The following NDUFC1 variants were observed in gnomAD, a reference collection of about 807,000 sequenced individuals.
The protein encoded by NDUFC1 is NADH dehydrogenase [ubiquinone] 1 subunit C1, mitochondrial.
In NDUFC1, 11 loss-of-function variants were observed where a neutral mutation model predicts 11.6. The observed-to-expected ratio is 0.95, with a 90% CI of 0.60 to 1.58. The LOEUF is 1.58. NDUFC1 is among the 40% of genes most tolerant of loss of function. The probability of loss-of-function intolerance (pLI) is 0.00; values close to 1 mark genes in which losing one functional copy is unlikely to be tolerated. For missense variants in NDUFC1, 112 were observed against 93.0 expected (o/e 1.20, Z -0.84); for synonymous variants, 52 against 42.2 (o/e 1.23, Z -0.90).
intron 1 of NDUFC1, chr4:139,301,729 T>G (rs1745755687): frequency 1.3e-6 from 2 of 1,534,074 alleles, no homozygotes; most frequent in Admixed American, 4.0e-5. Flanking sequence ...TCGGACAAAC[T>G]GACTGACCGA....
At chr4:139,299,648 G>T (rs1365758389) in intron 1 of NDUFC1, among the ~76,000 whole-genome samples, 2 of 152,178 alleles carry the variant, frequency 1.3e-5, no homozygotes, top group East Asian at 1.9e-4. Context: ...CTACTGTGTG[G>T]TCAGACTGTT....
chr4:139,297,152 T>G (rs976256687), intron 2 of NDUFC1, among the ~76,000 whole-genome samples: 13 of 152,222 alleles, frequency 8.5e-5, no homozygotes, highest in Admixed American at 8.5e-4. Context: ...CAGTTGTATA[T>G]CCTTTCTACA....
intron 4 of NDUFC1, 57 bp downstream of exon 4, chr4:139,294,986 T>C: frequency 7.6e-7 from 1 of 1,313,476 alleles, no homozygotes; most frequent in Non-Finnish European, 1.1e-6. Flanking sequence ...CGCAATGTTA[T>C]GTCATTCCCT....
rs2110759239 is a variant in NDUFC1 at position 139,292,516 on chromosome 4, G to A, written c.*20+14C>T. On this transcript the variant is annotated intron_variant, in intron 5 of 5. Transcript: ENST00000394223. Reference sequence around the variant, plus strand: ...TTTGCATAATCTATTCATCCAATAAGCTTGTATACTTACTACATTAGTGTT... The same window carrying A: ...TTTGCATAATCTATTCATCCAATAAACTTGTATACTTACTACATTAGTGTT... The A allele has an allele frequency of 7.9e-7, 1 of 1,260,432 alleles. No individual in the cohort carries two copies. Among genetic ancestry groups the A allele is most frequent in the Non-Finnish European group, 1.1e-6 (1 of 886,750 alleles). The allele number at this position is 1,260,432 out of a possible 1,614,324, so 78.1% of individuals were successfully genotyped here.
chr4:139,292,481 G>A (rs1254920816), intron 5 of NDUFC1, 49 bp downstream of exon 5: 3 of 893,374 alleles, frequency 3.4e-6, no homozygotes, highest in Admixed American at 2.6e-5. Context: ...TAAAAAAGAG[G>A]TCAAGTTAAT....
rs1198821891 is a variant in NDUFC1, at chr4:139,297,373, C to A, written c.-163+12G>T. On this transcript the variant is annotated intron_variant, in intron 2 of 5. Coordinates refer to ENST00000394223, the MANE Select transcript of NDUFC1 (RefSeq NM_001184989.2). ...TTGGGAAAGTGATGAAGTATAAGCA[C>A]ATTTTTCTCACCATATTAGAGCTGA... 2 of 152,184 alleles carry A rather than the reference C, an allele frequency of 1.3e-5. No individual in the cohort carries two copies. The highest frequency in any genetic ancestry group is 2.9e-5 in the Non-Finnish European group (2 of 68,044). 9.4% of individuals were successfully genotyped at this position (152,184 alleles called of 1,614,324 possible). A position where few individuals can be genotyped will look rare whatever the true frequency, so the allele number is the denominator to read the frequency against.
chr4:139,295,843 G>C lies in NDUFC1; in HGVS notation c.-45C>G. On this transcript the variant is annotated 5_prime_UTR_variant, in exon 3 of 6. Coordinates refer to ENST00000394223, the MANE Select transcript of NDUFC1 (RefSeq NM_001184989.2). ...TCTCTCCGAGTTGGCAACAGAACCA[G>C]CGCCACCTGGCGGCCGGAAGTGCGG... is the stretch of plus-strand genomic sequence containing the variant. The C allele has an allele frequency of 1.3e-6, 2 of 1,531,454 alleles. No homozygotes were observed. Among genetic ancestry groups the C allele is most frequent in the African/African-American group, 1.4e-5 (1 of 71,576 alleles). The allele number at this position is 1,531,454 out of a possible 1,614,324, so 94.9% of individuals were successfully genotyped here.
intron 5 of NDUFC1, among the ~76,000 whole-genome samples, chr4:139,292,053 G>A (rs1438769112): frequency 6.6e-6 from 1 of 152,128 alleles, no homozygotes; most frequent in Non-Finnish European, 1.5e-5. Flanking sequence ...TAGCCAGGAT[G>A]GTCTTGATCT....
At chr4:139,293,650 T>TG (rs1745323392) in intron 4 of NDUFC1, among the ~76,000 whole-genome samples, 1 of 152,158 alleles carries the variant, frequency 6.6e-6, no homozygotes, top group South Asian at 2.1e-4. Flanking sequence ...ATCTTAGAGC[T>TG]GGGGGACAGT....
intron 1 of NDUFC1, among the ~76,000 whole-genome samples, chr4:139,298,606 A>C (rs900268154): frequency 4.6e-5 from 7 of 151,894 alleles, no homozygotes; most frequent in Non-Finnish European, 7.4e-5. Flanking sequence ...CACAAAAAAA[A>C]CCCAGAAGCA....
intron 1 of NDUFC1, among the ~76,000 whole-genome samples, chr4:139,299,005 T>G (rs1454600363): frequency 6.6e-6 from 1 of 151,826 alleles, no homozygotes; most frequent in Non-Finnish European, 1.5e-5. Flanking sequence ...AGTCTCACTC[T>G]GTTGTCCAGG....
intron 5 of NDUFC1, among the ~76,000 whole-genome samples, chr4:139,290,521 A>T (rs1281462458): frequency 6.6e-6 from 1 of 151,914 alleles, no homozygotes; most frequent in African/African-American, 2.4e-5. Flanking sequence ...AAAGATTTGG[A>T]TAATCAACAG....
intron 3 of NDUFC1, among the ~76,000 whole-genome samples, chr4:139,295,523 G>C (rs568473665): frequency 6.6e-6 from 1 of 152,230 alleles, no homozygotes; most frequent in East Asian, 1.9e-4. Flanking sequence ...GAGTGGTCAG[G>C]TTGAACTTGG....
intron 1 of NDUFC1, among the ~76,000 whole-genome samples, chr4:139,299,771 C>T (rs1560943682): frequency 6.6e-6 from 1 of 152,184 alleles, no homozygotes. Context: ...AAGAATGTAA[C>T]ATTTGCCAAA....
At chr4:139,292,822 ATATT>A (rs1412020027) in intron 4 of NDUFC1, among the ~76,000 whole-genome samples, 1 of 150,876 alleles carries the variant, frequency 6.6e-6, no homozygotes, top group African/African-American at 2.4e-5. Flanking sequence ...ATATATATAT[ATATT>A]TATTTATTTA....
intron 4 of NDUFC1, among the ~76,000 whole-genome samples, chr4:139,293,767 C>G (rs1002139251): frequency 6.6e-6 from 1 of 152,080 alleles, no homozygotes; most frequent in Non-Finnish European, 1.5e-5. Context: ...CAGTGTTTCA[C>G]AGTCTTTTCT....
chr4:139,290,688 T>C (rs986317941), intron 5 of NDUFC1, among the ~76,000 whole-genome samples: 1 of 151,864 alleles, frequency 6.6e-6, no homozygotes, highest in African/African-American at 2.4e-5. Context: ...TAATATAGGA[T>C]TTTTAAAAAA....
chr4:139,302,185 G>T, intron 1 of NDUFC1: 1 of 260,128 alleles, frequency 3.8e-6, no homozygotes, highest in Non-Finnish European at 7.3e-6. Flanking sequence ...CGGCCCGGTT[G>T]GTGTGGGAAC....
At chr4:139,294,999 C>T (rs529885516) in intron 4 of NDUFC1, 44 bp downstream of exon 4, 1 of 1,454,156 alleles carries the variant, frequency 6.9e-7, no homozygotes, top group Non-Finnish European at 9.7e-7. Context: ...CATTCCCTTA[C>T]CACGCTGGTG....
Sources: gnomAD v4.1 joint callset for allele counts (sites outside exome capture counted in the v4.1 genomes callset) on GRCh38, gnomAD v4.1.1 for gene constraint, MANE v1.5 for transcripts, NCBI Gene and HGNC (gene_info 2026-07-23, HGNC 2026-07-21) for gene names.